NUP37: variants seen among roughly 807,000 people sequenced by gnomAD.
NUP37 encodes nucleoporin 37.
NUP37 carries 33 observed loss-of-function variants against 45.4 expected under a neutral mutation model. That is an observed-to-expected ratio of 0.73 (90% CI 0.55 to 0.97). The LOEUF (loss-of-function observed/expected upper bound fraction) is 0.97. Ranked by LOEUF, NUP37 falls within the 50% of genes least tolerant of loss-of-function variation. NUP37 has a pLI of 0.00. For synonymous variants in NUP37, 127 were observed against 130.7 expected (o/e 0.97, Z 0.19); for missense variants, 365 against 389.7 (o/e 0.94, Z 0.53).
rs149076157 is a variant in NUP37 at position 102,085,285 on chromosome 12, G to T, written c.540+481C>A. On this transcript the variant is annotated intron_variant, in intron 6 of 9. Transcript: ENST00000552283. The stretch of plus-strand genomic sequence containing the variant: ...AAATACAAAAAAATTAGCCAGGTGT[G>T]GTGGCATGTGCCTATAGTCCCAGCT... Among the ~76,000 whole-genome samples, 282 of 152,032 alleles carry T rather than the reference G, an allele frequency of 1.9e-3. 1 individual carries two copies. The highest frequency in any genetic ancestry group is 6.6e-3 in the African/African-American group (273 of 41,450).
At chr12:102,075,724 C>A (rs193036879) in intron 8 of NUP37, among the ~76,000 whole-genome samples, 1 of 151,998 alleles carries the variant, frequency 6.6e-6, no homozygotes, top group Non-Finnish European at 1.5e-5. Flanking sequence ...AATAAGGCAT[C>A]AAATATGACA....
chr12:102,096,604 G>A (rs187179333), intron 5 of NUP37, among the ~76,000 whole-genome samples: 2 of 152,222 alleles, frequency 1.3e-5, no homozygotes, highest in Admixed American at 1.3e-4. Flanking sequence ...TAAGCACTGG[G>A]TCTGCTCTTT....
chr12:102,082,098 G>A (rs1879346523), intron 6 of NUP37, among the ~76,000 whole-genome samples: 1 of 152,096 alleles, frequency 6.6e-6, no homozygotes, highest in African/African-American at 2.4e-5. Context: ...CCTTGGTCCT[G>A]TTATTAGTAT....
intron 5 of NUP37, among the ~76,000 whole-genome samples, chr12:102,088,194 AGTT>A (rs1398066813): frequency 6.6e-6 from 1 of 152,216 alleles, no homozygotes; most frequent in African/African-American, 2.4e-5. Flanking sequence ...GCACAATTTA[AGTT>A]GTTAAGTCTT....
At chr12:102,097,179 C>A (rs1041718684) in intron 5 of NUP37, among the ~76,000 whole-genome samples, 4 of 151,986 alleles carry the variant, frequency 2.6e-5, no homozygotes, top group Middle Eastern at 3.2e-3. Context: ...CTGTGTCACA[C>A]CTGTTAATGC....
At chr12:102,094,525 T>C (rs1879748123) in intron 5 of NUP37, among the ~76,000 whole-genome samples, 1 of 151,998 alleles carries the variant, frequency 6.6e-6, no homozygotes, top group South Asian at 2.1e-4. Flanking sequence ...GGAAGAACAC[T>C]CCATCTTAAT....
intron 3 of NUP37, among the ~76,000 whole-genome samples, chr12:102,101,469 T>A (rs1200199547): frequency 6.6e-6 from 1 of 152,192 alleles, no homozygotes; most frequent in African/African-American, 2.4e-5. Context: ...TTTAGCCAGG[T>A]CACCAAGACA....
intron 5 of NUP37, among the ~76,000 whole-genome samples, chr12:102,094,265 T>C (rs1314294154): frequency 1.3e-5 from 2 of 152,016 alleles, no homozygotes; most frequent in East Asian, 3.9e-4. Flanking sequence ...AAAATTAGAG[T>C]GAGTTTTAGA....
At chr12:102,094,655 A>G (rs1315768073) in intron 5 of NUP37, among the ~76,000 whole-genome samples, 1 of 152,138 alleles carries the variant, frequency 6.6e-6, no homozygotes, top group Admixed American at 6.5e-5. Flanking sequence ...AACATTTTTT[A>G]AACAACTATA....
At chr12:102,101,923 C>G (rs1272592014) in intron 3 of NUP37, among the ~76,000 whole-genome samples, 1 of 152,102 alleles carries the variant, frequency 6.6e-6, no homozygotes, top group Admixed American at 6.5e-5. Context: ...CAGGGTTTCA[C>G]CACGTTGGCC....
chr12:102,086,833 C>T (rs1341366592), intron 5 of NUP37, among the ~76,000 whole-genome samples: 1 of 152,200 alleles, frequency 6.6e-6, no homozygotes, highest in African/African-American at 2.4e-5. Flanking sequence ...CCTGTAATCC[C>T]AGCACTTTGG....
At chr12:102,083,445 T>C (rs1474820016) in intron 6 of NUP37, among the ~76,000 whole-genome samples, 53 of 152,350 alleles carry the variant, frequency 3.5e-4, no homozygotes, top group Non-Finnish European at 1.0e-4. Context: ...ATCCCAGGGT[T>C]CAGAGCACAC....
chr12:102,099,350 C>T (rs1017574398), intron 4 of NUP37, 150 bp from the exon 5 acceptor site: 35 of 632,106 alleles, frequency 5.5e-5, no homozygotes, highest in Admixed American at 1.2e-4. Context: ...TTTTAAAGCA[C>T]GATTTATACA....
intron 3 of NUP37, among the ~76,000 whole-genome samples, chr12:102,108,673 A>T (rs966353852): frequency 2.6e-5 from 4 of 152,200 alleles, no homozygotes; most frequent in Non-Finnish European, 4.4e-5. Context: ...AAAAACTGTA[A>T]AACAAAGCTT....
In NUP37 at chr12:102,076,896, G is replaced by A. The variant is rs554505903; in HGVS notation, c.723-49C>T. ...TATGAATTATGTGTTAAACTCAAGT[G>A]GGTGAACTTAAGGTTTAAACAGTAT... On this transcript the variant is annotated intron_variant, in intron 7 of 9. Coordinates refer to ENST00000552283, the MANE Select transcript of NUP37 (RefSeq NM_024057.4). The A allele has an allele frequency of 7.4e-6, 10 of 1,356,224 alleles. No individual in the cohort carries two copies. In the African/African-American group the frequency reaches 1.0e-4, roughly 14 times the overall value. The allele number at this position is 1,356,224 out of a possible 1,614,324, so 84.0% of individuals were successfully genotyped here.
intron 5 of NUP37, among the ~76,000 whole-genome samples, chr12:102,092,294 T>C (rs951008769): frequency 2.6e-5 from 4 of 152,100 alleles, no homozygotes; most frequent in Admixed American, 6.6e-5. Context: ...AAGCAAAAAA[T>C]ATGAACCACA....
Position 102,099,116 on chromosome 12 carries a change from G to T in NUP37, c.439C>A (p.His147Asn). 6.2e-7 allele frequency: 1 copy of T among 1,609,548 alleles called. No homozygotes were observed. The highest frequency in any genetic ancestry group is 8.5e-7 in the Non-Finnish European group (1 of 1,175,972). ...ACATAAGCAACATACCTGCAGGTGT[G>T]ATCGTCACTCACACTTGCAATTTCT... is the stretch of plus-strand genomic sequence containing the variant. ...GQEIASVSDD[H>N]TCRIWNLEGV... The change falls in exon 5 of 10, where the codon CAC (histidine) becomes AAC (asparagine). Residue 147 changes from histidine to asparagine, a missense_variant. Transcript: ENST00000552283.
chr12:102,099,319 A>C (rs1879905846), intron 4 of NUP37, 119 bp from the exon 5 acceptor site: 3 of 693,402 alleles, frequency 4.3e-6, no homozygotes, highest in Middle Eastern at 2.6e-4. Context: ...TTCTATAAAT[A>C]TTTCTTAAGC....
intron 5 of NUP37, among the ~76,000 whole-genome samples, chr12:102,091,517 G>GTA (rs1879655532): frequency 1.4e-5 from 2 of 147,594 alleles, no homozygotes; most frequent in African/African-American, 5.0e-5. Flanking sequence ...AAGCATAAAA[G>GTA]TATAGAATAA....
Sources: allele counts gnomAD v4.1 joint callset (sites outside exome capture counted in the v4.1 genomes callset), GRCh38; gene constraint gnomAD v4.1.1; transcripts MANE v1.5; gene names NCBI Gene and HGNC (gene_info 2026-07-23, HGNC 2026-07-21).